Variants in TSPAN14 observed in about 807,000 individuals in gnomAD.
TSPAN14 encodes tetraspanin 14.
TSPAN14 carries 16 observed loss-of-function variants against 36.6 expected under a neutral mutation model. The observed-to-expected ratio is 0.44, with a 90% CI of 0.30 to 0.66. The LOEUF (loss-of-function observed/expected upper bound fraction) is 0.66. TSPAN14 is among the 30% of genes least tolerant of loss of function. The pLI, the probability that TSPAN14 is intolerant of heterozygous loss-of-function variation, is 0.12. For synonymous variants in TSPAN14, 139 were observed against 143.8 expected, an observed-to-expected ratio of 0.97 and a Z score of 0.24; for missense variants, 231 against 355.1, an observed-to-expected ratio of 0.65 and a Z score of 2.81.
intron 2 of TSPAN14, among the ~76,000 whole-genome samples, chr10:80,490,859 C>A (rs752599884): frequency 2.6e-5 from 4 of 152,112 alleles, no homozygotes; most frequent in Admixed American, 1.3e-4. Flanking sequence ...GCAGGAGGGC[C>A]TGGGGACATG....
rs1482993163 is a variant in TSPAN14, at chr10:80,489,389, G to A, written c.81+75G>A. On this transcript the variant is annotated intron_variant, in intron 2 of 8. Coordinates refer to ENST00000429989, the Ensembl canonical transcript of TSPAN14. ...AAATTATGGTTTTCCACACACTCTTGATTTGCCAGACACTATGTAAGGCTC... is the reference window on the plus strand; with the variant it reads ...AAATTATGGTTTTCCACACACTCTTAATTTGCCAGACACTATGTAAGGCTC... The A allele has an allele frequency of 1.5e-5, 16 of 1,060,726 alleles. No homozygotes were observed. The African/African-American group carries it at 2.4e-4, about 16-fold the overall frequency. 65.7% of individuals were successfully genotyped at this position (1,060,726 alleles called of 1,614,324 possible). A position where few individuals can be genotyped will look rare whatever the true frequency, so the allele number is the denominator to read the frequency against.
intron 1 of TSPAN14, among the ~76,000 whole-genome samples, chr10:80,469,072 G>A (rs1846395352): frequency 6.6e-6 from 1 of 151,120 alleles, no homozygotes; most frequent in African/African-American, 2.4e-5. Flanking sequence ...CGGTGCCGGG[G>A]ATGTCTTGGA....
chr10:80,519,492 A>G (rs910526414), exon 9 of TSPAN14: 1 of 146,152 alleles, frequency 6.8e-6, no homozygotes, highest in Non-Finnish European at 1.5e-5. Flanking sequence ...AGTGTGGTGT[A>G]TACTGGTGGC....
chr10:80,504,203 A>G (rs1840160639), intron 2 of TSPAN14, among the ~76,000 whole-genome samples: 1 of 152,172 alleles, frequency 6.6e-6, no homozygotes, highest in Non-Finnish European at 1.5e-5. Flanking sequence ...GGGCCACTGG[A>G]TAGCTGCTTA....
At chr10:80,516,738 C>T (rs1385057526) in intron 8 of TSPAN14, among the ~76,000 whole-genome samples, 1 of 152,214 alleles carries the variant, frequency 6.6e-6, no homozygotes, top group Non-Finnish European at 1.5e-5. Context: ...TGAGGGTGGC[C>T]TGAGGCTCAC....
intron 2 of TSPAN14, among the ~76,000 whole-genome samples, chr10:80,494,153 C>T (rs146800670): frequency 1.2e-4 from 19 of 152,288 alleles, no homozygotes; most frequent in African/African-American, 4.1e-4. Flanking sequence ...TTTTAAATGA[C>T]ATTCTGCCAT....
At chr10:80,488,558 G>GC (rs1847753149) in intron 1 of TSPAN14, among the ~76,000 whole-genome samples, 1 of 152,286 alleles carries the variant, frequency 6.6e-6, no homozygotes, top group African/African-American at 2.4e-5. Flanking sequence ...GAGGGAGGGA[G>GC]CAGGGGGATG....
chr10:80,515,993 G>T, intron 7 of TSPAN14: 1 of 629,154 alleles, frequency 1.6e-6, no homozygotes, highest in Non-Finnish European at 2.7e-6. Flanking sequence ...GGGAGCCTTT[G>T]GTCAGACAGG....
exon 9 of TSPAN14, chr10:80,520,490 G>A: frequency 1.1e-5 from 5 of 458,398 alleles, no homozygotes; most frequent in Non-Finnish European, 2.2e-5. Context: ...GCCTTCCCTG[G>A]TTGGAGGCCA....
chr10:80,455,627 C>T (rs926594436), intron 1 of TSPAN14, among the ~76,000 whole-genome samples: 1 of 152,130 alleles, frequency 6.6e-6, no homozygotes, highest in Non-Finnish European at 1.5e-5. Context: ...GACAGGCCAT[C>T]GGAGCACCCC....
intron 1 of TSPAN14, among the ~76,000 whole-genome samples, chr10:80,488,917 G>A (rs1043270317): frequency 1.3e-5 from 2 of 152,184 alleles, no homozygotes; most frequent in African/African-American, 4.8e-5. Context: ...CAATCGAGAG[G>A]TGATGAGATC....
In TSPAN14 at chr10:80,511,756, CT is replaced by C. The variant is rs1564745232; in HGVS notation, c.451-387del. Among the ~76,000 whole-genome samples the C allele has an allele frequency of 8.2e-4, 114 of 138,448 alleles. 2 individuals carry two copies. The highest frequency in any genetic ancestry group is 1.1e-3 in the South Asian group (5 of 4,396). 90.8% of individuals were successfully genotyped at this position (138,448 alleles called of 152,430 possible). On this transcript the variant is annotated intron_variant, in intron 5 of 8. Coordinates refer to ENST00000429989, the Ensembl canonical transcript of TSPAN14. ...TCTCTCTCTCTCTCTCTCTCTCTCT[CT>C]CTCTCTCTCTCTCTCCCCTTTTTTC... is the stretch of plus-strand genomic sequence containing the variant.
chr10:80,473,269 G>A (rs769975266), intron 1 of TSPAN14, among the ~76,000 whole-genome samples: 1 of 152,282 alleles, frequency 6.6e-6, no homozygotes, highest in East Asian at 1.9e-4. Flanking sequence ...GTAGACAGAG[G>A]CCTCCTCTCA....
chr10:80,474,904 C>G (rs1846770349), intron 1 of TSPAN14, among the ~76,000 whole-genome samples: 1 of 152,116 alleles, frequency 6.6e-6, no homozygotes, highest in South Asian at 2.1e-4. Context: ...TCAGAGCTTC[C>G]CAAATTTTCA....
At chr10:80,505,233 C>T (rs1170704399) in intron 3 of TSPAN14, among the ~76,000 whole-genome samples, 1 of 152,182 alleles carries the variant, frequency 6.6e-6, no homozygotes, top group East Asian at 1.9e-4. Context: ...CCTTTAAGCA[C>T]CTCTGGGCCT....
chr10:80,495,655 G>A (rs1848162628), intron 2 of TSPAN14, among the ~76,000 whole-genome samples: 4 of 152,190 alleles, frequency 2.6e-5, no homozygotes, highest in African/African-American at 9.7e-5. Flanking sequence ...TGGTGTGCTT[G>A]TATAACTCTG....
intron 1 of TSPAN14, among the ~76,000 whole-genome samples, chr10:80,468,210 C>A (rs1846343879): frequency 6.6e-6 from 1 of 152,160 alleles, no homozygotes; most frequent in Non-Finnish European, 1.5e-5. Context: ...ACCAGGCCCC[C>A]CTGTGCCTGT....
At chr10:80,502,844 A>G (rs967473434) in intron 2 of TSPAN14, among the ~76,000 whole-genome samples, 3 of 152,086 alleles carry the variant, frequency 2.0e-5, no homozygotes, top group African/African-American at 7.2e-5. Context: ...TTATGAGATC[A>G]TCGAGAGGGC....
rs201643392 is a variant in TSPAN14, at chr10:80,516,309, A to G, written c.727A>G (p.Ile243Val). Residue 243 changes from isoleucine (I) to valine (V), a missense_variant, in exon 8 of 9, where the codon ATC becomes GTC. Ile to Val is a conservative substitution (Grantham distance 29, BLOSUM62 3). Coordinates refer to ENST00000429989, the Ensembl canonical transcript of TSPAN14. Reference sequence around the variant, plus strand: ...CATTGTGGCTGGCGTCTTCATCGCCATCTCGCTGTTGCAGGTGTGTCCCAG... The same window carrying G: ...CATTGTGGCTGGCGTCTTCATCGCCGTCTCGCTGTTGCAGGTGTGTCCCAG... 1.9e-6 allele frequency: 3 copies of G among 1,614,226 alleles called. No homozygotes were observed. Among genetic ancestry groups the G allele is most frequent in the Admixed American group, 1.7e-5 (1 of 60,030 alleles).
Sources: allele counts gnomAD v4.1 joint callset (sites outside exome capture counted in the v4.1 genomes callset), GRCh38; gene constraint gnomAD v4.1.1; transcripts MANE v1.5; gene names NCBI Gene and HGNC (gene_info 2026-07-23, HGNC 2026-07-21).